Variants in UPP2 observed in about 807,000 individuals in gnomAD.
The protein encoded by UPP2 is uridine phosphorylase 2.
A neutral mutation model predicts 26.7 loss-of-function variants in UPP2; 23 were observed. The ratio of observed to expected loss-of-function variants is 0.86; its 90% CI spans 0.62 to 1.22. The LOEUF (loss-of-function observed/expected upper bound fraction) is 1.22. Ranked by LOEUF, UPP2 falls within the 50% of genes most tolerant of loss-of-function variation. The probability of loss-of-function intolerance (pLI) is 0.00; values close to 1 mark genes in which losing one functional copy is unlikely to be tolerated. For synonymous variants in UPP2, 127 were observed against 141.3 expected (o/e 0.90, Z 0.72); for missense variants, 387 against 396.7 (o/e 0.98, Z 0.21).
At chr2:158,078,635 G>A (rs1250793307) in intron 3 of UPP2, among the ~76,000 whole-genome samples, 1 of 152,126 alleles carries the variant, frequency 6.6e-6, no homozygotes, top group Non-Finnish European at 1.5e-5. Context: ...GCTGGGAAGA[G>A]TAGCAGGGGG....
At chr2:158,045,144 A>G (rs1684134854) in intron 3 of UPP2, among the ~76,000 whole-genome samples, 1 of 152,088 alleles carries the variant, frequency 6.6e-6, no homozygotes. Context: ...GGGCTTGAAA[A>G]CCAGGCTTAG....
chr2:158,006,741 G>A (rs559440108), intron 2 of UPP2, among the ~76,000 whole-genome samples: 2 of 152,272 alleles, frequency 1.3e-5, no homozygotes, highest in South Asian at 2.1e-4. Flanking sequence ...AGGCATACTC[G>A]AGGAAGCCTT....
intron 6 of UPP2, among the ~76,000 whole-genome samples, chr2:158,130,150 T>C (rs948091591): frequency 2.6e-5 from 4 of 151,996 alleles, no homozygotes; most frequent in Non-Finnish European, 5.9e-5. Context: ...AACACTTAGA[T>C]TGAGCTCTGA....
chr2:158,045,014 T>A (rs1390508305), intron 3 of UPP2, among the ~76,000 whole-genome samples: 2 of 152,214 alleles, frequency 1.3e-5, no homozygotes, highest in Admixed American at 1.3e-4. Flanking sequence ...CCCCCTCAAA[T>A]CCTATTCTTT....
chr2:158,025,443 C>CT (rs1683819252), intron 3 of UPP2, among the ~76,000 whole-genome samples: 2 of 152,078 alleles, frequency 1.3e-5, no homozygotes, highest in Admixed American at 1.3e-4. Flanking sequence ...GGAGGAGCAG[C>CT]TACAGGGGAG....
intron 2 of UPP2, among the ~76,000 whole-genome samples, chr2:158,010,958 G>A (rs368874173): frequency 3.7e-4 from 56 of 152,010 alleles, no homozygotes; most frequent in Middle Eastern, 6.8e-3. Context: ...TAGAGACGGG[G>A]TTTCTCCATG....
At chr2:158,032,909 C>G (rs1361621880) in intron 3 of UPP2, among the ~76,000 whole-genome samples, 2 of 152,128 alleles carry the variant, frequency 1.3e-5, no homozygotes, top group African/African-American at 4.8e-5. Flanking sequence ...CAAGTAATAT[C>G]ATGGCATTTT....
At chr2:158,103,316 GTAT>G (rs1308717063) in intron 1 of UPP2, among the ~76,000 whole-genome samples, 1 of 152,162 alleles carries the variant, frequency 6.6e-6, no homozygotes, top group Non-Finnish European at 1.5e-5. Context: ...TGAATTAATA[GTAT>G]TATAATTAAT....
chr2:158,131,704 C>A (rs1472194729), intron 6 of UPP2, among the ~76,000 whole-genome samples: 2 of 152,178 alleles, frequency 1.3e-5, no homozygotes, highest in Non-Finnish European at 2.9e-5. Context: ...AGTATCTCTT[C>A]CTCCCCAGCA....
intron 3 of UPP2, among the ~76,000 whole-genome samples, chr2:158,037,174 A>T (rs748447104): frequency 6.6e-6 from 1 of 152,036 alleles, no homozygotes; most frequent in Non-Finnish European, 1.5e-5. Context: ...GGAGTTTGAG[A>T]CCAGTCTGGC....
intron 3 of UPP2, among the ~76,000 whole-genome samples, chr2:158,066,814 AC>A (rs1682443168): frequency 6.6e-6 from 1 of 152,162 alleles, no homozygotes; most frequent in Non-Finnish European, 1.5e-5. Context: ...GTGCAACTTC[AC>A]AGGCAGGGAC....
intron 3 of UPP2, among the ~76,000 whole-genome samples, chr2:158,021,721 A>C (rs1428292348): frequency 6.6e-6 from 1 of 152,198 alleles, no homozygotes; most frequent in African/African-American, 2.4e-5. Context: ...ACTCTTAGAA[A>C]ATGGCTTTTT....
At chr2:158,032,240 C>A (rs1683931964) in intron 3 of UPP2, among the ~76,000 whole-genome samples, 1 of 152,184 alleles carries the variant, frequency 6.6e-6, no homozygotes, top group South Asian at 2.1e-4. Context: ...TATAGCTATT[C>A]AATATTGGAG....
At chr2:158,040,725 G>C (rs982967017) in intron 3 of UPP2, among the ~76,000 whole-genome samples, 2 of 152,172 alleles carry the variant, frequency 1.3e-5, no homozygotes, top group Non-Finnish European at 2.9e-5. Flanking sequence ...GAATAGACTA[G>C]AGGTTCCCTT....
intron 3 of UPP2, among the ~76,000 whole-genome samples, chr2:158,018,879 A>C (rs184384278): frequency 6.6e-6 from 1 of 152,180 alleles, no homozygotes; most frequent in Non-Finnish European, 1.5e-5. Flanking sequence ...CGAAGGAGCC[A>C]AGAAACTAAA....
intron 3 of UPP2, among the ~76,000 whole-genome samples, chr2:158,036,568 G>C (rs1684003517): frequency 6.6e-6 from 1 of 152,180 alleles, no homozygotes; most frequent in Non-Finnish European, 1.5e-5. Flanking sequence ...TACAGACTCT[G>C]AGCAGAAATT....
At chr2:158,065,765 T>C (rs979446429) in intron 3 of UPP2, 4 of 691,500 alleles carry the variant, frequency 5.8e-6, no homozygotes, top group Admixed American at 2.1e-5. Context: ...TTGATGATGG[T>C]GCACCACCAT....
chr2:157,995,854 C>T (rs779266501), intron 2 of UPP2, among the ~76,000 whole-genome samples: 4 of 151,582 alleles, frequency 2.6e-5, no homozygotes, highest in Non-Finnish European at 4.4e-5. Context: ...TAAATGATTT[C>T]CTGTGTTTTT....
chr2:158,063,527 T>A (rs1396978523), intron 3 of UPP2, among the ~76,000 whole-genome samples: 1 of 152,084 alleles, frequency 6.6e-6, no homozygotes, highest in African/African-American at 2.4e-5. Context: ...AACAACCATC[T>A]CTGCCTCCTG....
Sources: gnomAD v4.1 joint callset for allele counts (sites outside exome capture counted in the v4.1 genomes callset) on GRCh38, gnomAD v4.1.1 for gene constraint, MANE v1.5 for transcripts, NCBI Gene and HGNC (gene_info 2026-07-23, HGNC 2026-07-21) for gene names.